The following TANC1 variants were observed in gnomAD, a reference collection of about 807,000 sequenced individuals.
TANC1 encodes the protein tetratricopeptide repeat, ankyrin repeat and coiled-coil containing 1.
Under a neutral mutation model 149.7 loss-of-function variants are expected in TANC1, and 77 were observed. The ratio of observed to expected loss-of-function variants is 0.51; its 90% CI spans 0.43 to 0.62. TANC1 has a LOEUF of 0.62. TANC1 is among the 20% of genes least tolerant of loss of function. TANC1 has a pLI of 0.00. For synonymous variants in TANC1, 854 were observed against 925.0 expected (o/e 0.92, Z 1.39); for missense variants, 1,985 against 2,321.8 (o/e 0.85, Z 2.98).
intron 1 of TANC1, among the ~76,000 whole-genome samples, 183 bp from the exon 2 acceptor site, chr2:159,000,897 C>A (rs2036567933): frequency 6.6e-6 from 1 of 152,150 alleles, no homozygotes; most frequent in Non-Finnish European, 1.5e-5. Flanking sequence ...CTGGACACTG[C>A]CCTAAGTGCT....
chr2:159,005,108 G>T (rs1024731092), intron 2 of TANC1, among the ~76,000 whole-genome samples: 1 of 152,208 alleles, frequency 6.6e-6, no homozygotes, highest in Non-Finnish European at 1.5e-5. Flanking sequence ...GTGGTTTTCT[G>T]CCCTGGGTGG....
chr2:159,173,160 G>C (rs1025161713), intron 11 of TANC1, among the ~76,000 whole-genome samples: 2 of 152,206 alleles, frequency 1.3e-5, no homozygotes, highest in African/African-American at 4.8e-5. Flanking sequence ...TCCATTGACT[G>C]TGACCCACAT....
intron 7 of TANC1, chr2:159,150,886 A>T (rs2052722904): frequency 4.7e-6 from 1 of 211,728 alleles, no homozygotes; most frequent in African/African-American, 2.3e-5. Flanking sequence ...ACTGGGGCAC[A>T]CAGCAGAGCA....
chr2:159,085,182 GT>G (rs2044711088), intron 3 of TANC1, among the ~76,000 whole-genome samples: 1 of 152,290 alleles, frequency 6.6e-6, no homozygotes, highest in East Asian at 1.9e-4. Context: ...AGAGTGGGTT[GT>G]AACAAAGCCA....
chr2:159,094,917 C>T lies in TANC1; in HGVS notation c.62-2720C>T, dbSNP rs992072231. ...TGCATGAATGTCCTTATTTTTGTAA[C>T]GCCAGTGAGAGGTGTTTTTTTATTG... On this transcript the variant is annotated intron_variant, in intron 3 of 26. Coordinates refer to ENST00000263635, the MANE Select transcript of TANC1 (RefSeq NM_033394.3). 4.6e-5 allele frequency among the ~76,000 whole-genome samples: 7 copies of T among 151,890 alleles called. No homozygotes were observed. In the East Asian group the frequency reaches 5.8e-4, roughly 13 times the overall value.
At position 159,062,238 on chromosome 2, in the gene TANC1, AAAAC is replaced by A. The variant is rs567971121; in HGVS notation, c.-15-3646_-15-3643del. On this transcript the variant is annotated intron_variant, in intron 2 of 26. Coordinates refer to ENST00000263635, the MANE Select transcript of TANC1 (RefSeq NM_033394.3). ...GGGCAATAAAGTGAGACTCCTTCTCAAAACAAACAAACAAAAAACAAAACAAAAA... is the reference window on the plus strand; with the variant it reads ...GGGCAATAAAGTGAGACTCCTTCTCAAAACAAACAAAAAACAAAACAAAAA... Among the ~76,000 whole-genome samples, 329 of 152,332 alleles carry A rather than the reference AAAAC, an allele frequency of 2.2e-3. 2 individuals are homozygous for A. The highest frequency in any genetic ancestry group is 7.0e-3 in the African/African-American group (293 of 41,572).
intron 4 of TANC1, among the ~76,000 whole-genome samples, chr2:159,115,376 G>A (rs969213652): frequency 6.6e-6 from 1 of 152,174 alleles, no homozygotes; most frequent in Non-Finnish European, 1.5e-5. Flanking sequence ...GTCAAATGCA[G>A]TATAGTGGCT....
chr2:159,229,160 T>G (rs2060198617), intron 26 of TANC1, among the ~76,000 whole-genome samples: 1 of 152,054 alleles, frequency 6.6e-6, no homozygotes, highest in Admixed American at 6.5e-5. Context: ...CAACATGAAC[T>G]TCCTACCTAG....
intron 2 of TANC1, among the ~76,000 whole-genome samples, chr2:159,004,938 T>A (rs2037003768): frequency 6.6e-6 from 1 of 152,208 alleles, no homozygotes; most frequent in African/African-American, 2.4e-5. Context: ...GTCATAAGCA[T>A]TGTTTCTATA....
chr2:159,097,942 G>T, intron 4 of TANC1, 108 bp downstream of exon 4: 3 of 944,274 alleles, frequency 3.2e-6, no homozygotes, highest in Non-Finnish European at 4.8e-6. Flanking sequence ...TTTTTTCTTT[G>T]TCGCAGTATC....
chr2:159,078,793 G>A (rs529763864), intron 3 of TANC1, among the ~76,000 whole-genome samples: 48 of 152,284 alleles, frequency 3.2e-4, no homozygotes, highest in South Asian at 3.1e-3. Flanking sequence ...CTTAAGTAAC[G>A]TAAGAGTCTG....
At chr2:159,044,618 A>G (rs1335163636) in intron 2 of TANC1, among the ~76,000 whole-genome samples, 1 of 152,090 alleles carries the variant, frequency 6.6e-6, no homozygotes, top group African/African-American at 2.4e-5. Flanking sequence ...TTAAGTGAGC[A>G]CAGCTTGGAA....
intron 2 of TANC1, among the ~76,000 whole-genome samples, chr2:159,008,912 A>AGACC (rs1443752748): frequency 6.6e-6 from 1 of 152,186 alleles, no homozygotes; most frequent in Non-Finnish European, 1.5e-5. Context: ...GTAACCACCT[A>AGACC]GACCAACAAA....
At chr2:159,007,697 T>C (rs1482769133) in intron 2 of TANC1, among the ~76,000 whole-genome samples, 2 of 152,240 alleles carry the variant, frequency 1.3e-5, no homozygotes, top group Admixed American at 6.5e-5. Context: ...TGATAAGTGA[T>C]GCGTAACTGT....
intron 2 of TANC1, among the ~76,000 whole-genome samples, chr2:159,037,481 G>A (rs1191634762): frequency 6.6e-6 from 1 of 152,134 alleles, no homozygotes; most frequent in Non-Finnish European, 1.5e-5. Flanking sequence ...GGGCTTTCAT[G>A]GTTTTAGGTC....
At chr2:159,190,327 A>C (rs1020557544) in intron 16 of TANC1, among the ~76,000 whole-genome samples, 21 of 152,310 alleles carry the variant, frequency 1.4e-4, no homozygotes, top group African/African-American at 4.8e-4. Context: ...AAAATTATCC[A>C]GGGAATTTAC....
intron 1 of TANC1, among the ~76,000 whole-genome samples, chr2:158,995,551 G>A (rs930260939): frequency 2.6e-5 from 4 of 152,028 alleles, no homozygotes; most frequent in African/African-American, 9.7e-5. Context: ...ACTTCAAACT[G>A]AGGCTCCCCA....
rs1575400794 is a variant in TANC1 at position 159,230,770 on chromosome 2, G to A, written c.5344G>A (p.Ala1782Thr). The change falls in exon 27 of 27, where the codon GCC becomes ACC. Residue 1782 changes from alanine (A) to threonine (T), a missense_variant. Around this residue, in one of 3 missense-constraint regions of TANC1, gnomAD observed 920 missense variants for 994.7 expected, o/e 0.92. Coordinates refer to ENST00000263635, the MANE Select transcript of TANC1 (RefSeq NM_033394.3). The surrounding 1 kb of genome is among the most constrained non-coding windows in gnomAD (Gnocchi z 4.4). ...LMQVGGYNNQAKTCSVSTLSA... is the reference protein window; with the variant it reads ...LMQVGGYNNQTKTCSVSTLSA... ...GCAAGTGGGAGGATATAATAACCAA[G>A]CCAAAACCTGTTCTGTTTCTACCCT... The A allele has an allele frequency of 6.2e-7, 1 of 1,614,216 alleles. No individual in the cohort carries two copies. The highest frequency in any genetic ancestry group is 1.1e-5 in the South Asian group (1 of 91,086).
chr2:159,120,381 T>A (rs181106427), intron 4 of TANC1, among the ~76,000 whole-genome samples: 34 of 152,234 alleles, frequency 2.2e-4, no homozygotes, highest in African/African-American at 7.7e-4. Context: ...AATTTTTTTT[T>A]AGAATCTTGA....
Sources: allele counts gnomAD v4.1 joint callset (sites outside exome capture counted in the v4.1 genomes callset), GRCh38; gene constraint gnomAD v4.1.1; regional missense constraint gnomAD v4.1.1; non-coding constraint Gnocchi (gnomAD v3.1); transcripts MANE v1.5; gene names NCBI Gene and HGNC (gene_info 2026-07-23, HGNC 2026-07-21).